LPAR1: variants seen among roughly 807,000 people sequenced by gnomAD.
LPAR1 encodes LPA receptor 1.
A neutral mutation model predicts 23.8 loss-of-function variants in LPAR1; 5 were observed. The ratio of observed to expected loss-of-function variants is 0.21; its 90% CI spans 0.11 to 0.44. LPAR1 has a LOEUF of 0.44. Ranked by LOEUF, LPAR1 falls within the 20% of genes least tolerant of loss-of-function variation. The pLI is 0.99. For synonymous variants in LPAR1, 160 were observed against 164.7 expected, an observed-to-expected ratio of 0.97 and a Z score of 0.22; for missense variants, 311 against 482.8, an observed-to-expected ratio of 0.64 and a Z score of 3.33.
intron 2 of LPAR1, among the ~76,000 whole-genome samples, chr9:110,999,213 T>C (rs1178114850): frequency 6.6e-6 from 1 of 152,004 alleles, no homozygotes. Flanking sequence ...AGACAAAAAC[T>C]CAAAATAGCT....
chr9:110,950,290 T>A (rs1350570688), intron 4 of LPAR1, among the ~76,000 whole-genome samples: 3 of 151,888 alleles, frequency 2.0e-5, no homozygotes, highest in Non-Finnish European at 4.4e-5. Context: ...CAAAATCCCA[T>A]CTCTACTATA....
intron 5 of LPAR1, among the ~76,000 whole-genome samples, chr9:110,903,631 A>G (rs148412411): frequency 6.8e-4 from 104 of 152,230 alleles, no homozygotes; most frequent in African/African-American, 2.4e-3. Context: ...AAACCGACAA[A>G]AAACAGACCC....
intron 2 of LPAR1, among the ~76,000 whole-genome samples, chr9:111,003,762 G>A (rs2097169543): frequency 6.6e-6 from 1 of 152,060 alleles, no homozygotes; most frequent in African/African-American, 2.4e-5. Context: ...ATTCTTTGTG[G>A]GAGTTAAGGG....
chr9:110,970,062 T>C (rs2096365773), intron 4 of LPAR1, among the ~76,000 whole-genome samples: 1 of 152,208 alleles, frequency 6.6e-6, no homozygotes, highest in Non-Finnish European at 1.5e-5. Context: ...ATAGAACCTC[T>C]TTCTCCTTTG....
Position 110,897,198 on chromosome 9 carries a change from G to A in LPAR1, c.794-21476C>T, listed in dbSNP as rs143345187. Among the ~76,000 whole-genome samples, 635 of 152,212 alleles carry A rather than the reference G, an allele frequency of 4.2e-3. 3 individuals are homozygous for A. The highest frequency in any genetic ancestry group is 0.014 in the African/African-American group (591 of 41,524). ...AGCTCCCATAATTCCCATGTGTTGC[G>A]GAAGGGACCCCATGGGAGATGACTG... On this transcript the variant is annotated intron_variant, in intron 5 of 5. Coordinates refer to ENST00000683809, the MANE Select transcript of LPAR1 (RefSeq NM_001351411.2).
At chr9:111,019,423 C>T (rs1319504654) in intron 2 of LPAR1, among the ~76,000 whole-genome samples, 3 of 152,098 alleles carry the variant, frequency 2.0e-5, no homozygotes, top group Non-Finnish European at 2.9e-5. Flanking sequence ...CATTTTTACT[C>T]ACTGAGTCAT....
intron 5 of LPAR1, among the ~76,000 whole-genome samples, chr9:110,927,155 T>C (rs1309261335): frequency 6.6e-6 from 1 of 152,086 alleles, no homozygotes; most frequent in African/African-American, 2.4e-5. Context: ...ATTCAACGAG[T>C]AAGTGGCAAA....
chr9:110,956,157 T>C (rs1440922440), intron 4 of LPAR1, among the ~76,000 whole-genome samples: 2 of 150,612 alleles, frequency 1.3e-5, no homozygotes, highest in Non-Finnish European at 2.9e-5. Context: ...AAACACTGCA[T>C]GTTCTCACTC....
intron 1 of LPAR1, among the ~76,000 whole-genome samples, chr9:111,036,488 TC>T (rs1174003516): frequency 6.6e-6 from 1 of 151,838 alleles, no homozygotes; most frequent in Non-Finnish European, 1.5e-5. Flanking sequence ...ACCTCTCACT[TC>T]CCCCTCCTAC....
chr9:111,028,664 T>C (rs1349771880), intron 2 of LPAR1, among the ~76,000 whole-genome samples: 3 of 151,778 alleles, frequency 2.0e-5, no homozygotes, highest in Non-Finnish European at 4.4e-5. Flanking sequence ...TACTGCATCC[T>C]ACTTTTTAGT....
At chr9:111,021,135 T>G (rs920971126) in intron 2 of LPAR1, among the ~76,000 whole-genome samples, 1 of 152,094 alleles carries the variant, frequency 6.6e-6, no homozygotes, top group Non-Finnish European at 1.5e-5. Flanking sequence ...AAAAGCTGAG[T>G]TGATGGGGGA....
intron 5 of LPAR1, among the ~76,000 whole-genome samples, chr9:110,921,311 T>C (rs1333884453): frequency 6.6e-6 from 1 of 152,242 alleles, no homozygotes; most frequent in Non-Finnish European, 1.5e-5. Context: ...GTATTTTTCC[T>C]TTCAATATTT....
chr9:110,961,044 T>C (rs2095955178), intron 4 of LPAR1, among the ~76,000 whole-genome samples: 2 of 144,618 alleles, frequency 1.4e-5, no homozygotes, highest in Admixed American at 1.4e-4. Context: ...GTTTTTATTA[T>C]CTTCTACTAC....
rs751134225 is a variant in LPAR1 at position 110,875,509 on chromosome 9, CCGGTGGGGT to C, written c.998_1006del (p.Asn333_Gly336delinsSer). 1.9e-6 allele frequency: 3 copies of C among 1,614,044 alleles called. No individual in the cohort carries two copies. Among genetic ancestry groups the C allele is most frequent in the Non-Finnish European group, 1.7e-6 (2 of 1,179,962 alleles). On this transcript the variant is annotated inframe_deletion, in exon 6 of 6. Transcript: ENST00000683809. ...CGAGCGGTCTGAGCCTTCTGTGGGG[CCGGTGGGGT>C]TCTCACTGCGCTGGCAGCAGAGGAT...
intron 2 of LPAR1, among the ~76,000 whole-genome samples, chr9:111,008,378 T>C (rs753428264): frequency 6.6e-6 from 1 of 152,114 alleles, no homozygotes; most frequent in African/African-American, 2.4e-5. Context: ...TTTACCCAAG[T>C]TGGCAAAAGT....
At chr9:110,993,980 G>A (rs187596910) in intron 2 of LPAR1, among the ~76,000 whole-genome samples, 261 of 152,230 alleles carry the variant, frequency 1.7e-3, no homozygotes, top group African/African-American at 6.2e-3. Context: ...CCAAAAAATT[G>A]ATATTTACAA....
At chr9:110,920,858 C>G (rs2093576557) in intron 5 of LPAR1, among the ~76,000 whole-genome samples, 1 of 152,174 alleles carries the variant, frequency 6.6e-6, no homozygotes, top group Admixed American at 6.5e-5. Flanking sequence ...CACAGTGGCC[C>G]ATGCCTGTAT....
intron 2 of LPAR1, among the ~76,000 whole-genome samples, chr9:110,986,346 T>A (rs2096780615): frequency 1.3e-5 from 2 of 152,108 alleles, no homozygotes; most frequent in Admixed American, 6.6e-5. Flanking sequence ...GGCTAGACTC[T>A]TCCAACCACA....
At chr9:110,985,565 C>T (rs1404253982) in intron 2 of LPAR1, among the ~76,000 whole-genome samples, 3 of 151,978 alleles carry the variant, frequency 2.0e-5, no homozygotes, top group Non-Finnish European at 4.4e-5. Flanking sequence ...TCATGATGGG[C>T]CAGGTCAGGT....
Sources: gnomAD v4.1 joint callset for allele counts (sites outside exome capture counted in the v4.1 genomes callset) on GRCh38, gnomAD v4.1.1 for gene constraint, MANE v1.5 for transcripts, NCBI Gene and HGNC (gene_info 2026-07-23, HGNC 2026-07-21) for gene names.